The following AVEN variants were observed in gnomAD, a reference collection of about 807,000 sequenced individuals.
AVEN encodes the protein apoptosis and caspase activation inhibitor.
Under a neutral mutation model 38.1 loss-of-function variants are expected in AVEN, and 41 were observed. The ratio of observed to expected loss-of-function variants is 1.08; its 90% confidence interval spans 0.84 to 1.40. The LOEUF (loss-of-function observed/expected upper bound fraction) is 1.40, where lower values mean the gene tolerates loss of function less well. Ranked by LOEUF, AVEN falls within the 40% of genes most tolerant of loss-of-function variation. The probability of loss-of-function intolerance (pLI) is 0.00; values close to 1 mark genes in which losing one functional copy is unlikely to be tolerated. For synonymous variants in AVEN, 206 were observed against 171.8 expected (o/e 1.20, Z -1.56); for missense variants, 605 against 438.8 (o/e 1.38, Z -3.38).
chr15:33,995,720 T>C lies in AVEN; in HGVS notation c.445+7312A>G, dbSNP rs570441304. ...GTCATAAGCCATTAGTGGGACATTA[T>C]ATCATTTGGGTTTTTAAAATGCTGC... On this transcript the variant is annotated intron_variant, in intron 2 of 5. Coordinates refer to ENST00000306730, the MANE Select transcript of AVEN (RefSeq NM_020371.3). Among the ~76,000 whole-genome samples, 255 of 152,354 alleles carry C rather than the reference T, an allele frequency of 1.7e-3. 3 individuals are homozygous for C. Among genetic ancestry groups the C allele is most frequent in the African/African-American group, 5.8e-3 (241 of 41,582 alleles).
At chr15:33,868,753 C>T (rs766286273) in intron 4 of AVEN, among the ~76,000 whole-genome samples, 77 of 151,826 alleles carry the variant, frequency 5.1e-4, no homozygotes, top group Non-Finnish European at 1.1e-3. Context: ...GTTAGGTGAG[C>T]GAGTGCCTTT....
At chr15:33,859,446 C>T (rs1646930690) in intron 11 of AVEN, 1 of 909,982 alleles carries the variant, frequency 1.1e-6, no homozygotes, top group Non-Finnish European at 1.7e-6. Flanking sequence ...AATACTGGCA[C>T]CTCTGAAGAG....
At position 34,063,442 on chromosome 15, in the gene AVEN, G is replaced by A. The variant is rs769593960; in HGVS notation, n.1127-10C>T. The A allele has an allele frequency of 3.1e-6, 5 of 1,613,886 alleles. No individual in the cohort carries two copies. The South Asian group carries it at 5.5e-5, about 18-fold the overall frequency. Reference sequence around the variant, plus strand: ...GACTCTGTGACCAAAGCTGAGAAGAGAAAGCCAGCTCATAGGGCTCTGTTC... The same window carrying A: ...GACTCTGTGACCAAAGCTGAGAAGAAAAAGCCAGCTCATAGGGCTCTGTTC... On this transcript the variant is annotated splice_polypyrimidine_tract_variant and intron_variant and non_coding_transcript_variant, in intron 4 of 11. Coordinates refer to the AVEN transcript ENST00000675287. This position sits in a 1 kb window ranked among gnomAD's most constrained non-coding sequence, Gnocchi z 4.1.
At chr15:33,865,414 T>C, downstream of AVEN, 1 of 545,332 alleles carries the variant, frequency 1.8e-6, no homozygotes, top group East Asian at 2.9e-5. Flanking sequence ...ACATACACTG[T>C]GGGAGAGAAC....
In AVEN at chr15:34,019,761, C is replaced by T. The variant is rs76704382; in HGVS notation, c.268-16552G>A. 3.1e-3 allele frequency among the ~76,000 whole-genome samples: 465 copies of T among 152,226 alleles called. 1 individual carries two copies. The highest frequency in any genetic ancestry group is 0.011 in the African/African-American group (444 of 41,524). On this transcript the variant is annotated intron_variant, in intron 1 of 5. Coordinates refer to ENST00000306730, the MANE Select transcript of AVEN (RefSeq NM_020371.3). ...CCAGGAGCAATATGTTATACCATAC[C>T]GCCTGGGTGTACAGTAGGCTACACC...
intron 1 of AVEN, among the ~76,000 whole-genome samples, chr15:34,004,140 GA>G (rs565390561): frequency 5.2e-4 from 79 of 152,274 alleles, no homozygotes; most frequent in African/African-American, 1.7e-3. Context: ...AATGCTCCTA[GA>G]AAAAAGCTAG....
At chr15:34,037,249 A>G (rs1036630659) in intron 1 of AVEN, among the ~76,000 whole-genome samples, 1 of 152,162 alleles carries the variant, frequency 6.6e-6, no homozygotes, top group African/African-American at 2.4e-5. Context: ...ACCATAGTTA[A>G]CACCAAATGT....
At chr15:33,916,818 A>G (rs1054501407) in intron 2 of AVEN, among the ~76,000 whole-genome samples, 2 of 150,840 alleles carry the variant, frequency 1.3e-5, no homozygotes, top group African/African-American at 4.9e-5. Flanking sequence ...GTAATTTAGA[A>G]AAAAAAAAAG....
intron 2 of AVEN, among the ~76,000 whole-genome samples, chr15:33,947,053 A>G (rs1894534301): frequency 6.6e-6 from 1 of 152,200 alleles, no homozygotes; most frequent in Non-Finnish European, 1.5e-5. Flanking sequence ...CCATGGAATT[A>G]GAGGAACTCT....
chr15:33,895,198 G>C (rs1372807654), intron 2 of AVEN, among the ~76,000 whole-genome samples: 2 of 151,744 alleles, frequency 1.3e-5, no homozygotes, highest in Non-Finnish European at 2.9e-5. Flanking sequence ...AATCAGATTT[G>C]GGCTGATTTT....
intron 1 of AVEN, among the ~76,000 whole-genome samples, chr15:34,011,511 G>T (rs1161982515): frequency 6.6e-6 from 1 of 152,154 alleles, no homozygotes; most frequent in African/African-American, 2.4e-5. Flanking sequence ...TGGCCATTAA[G>T]AATGGGAATA....
chr15:34,027,905 T>C (rs1007101848), intron 1 of AVEN, among the ~76,000 whole-genome samples: 5 of 151,866 alleles, frequency 3.3e-5, no homozygotes, highest in Admixed American at 6.5e-5. Context: ...TTGTAGAACG[T>C]TGACATTACT....
At chr15:33,914,087 A>G (rs1357023857) in intron 2 of AVEN, among the ~76,000 whole-genome samples, 5 of 152,218 alleles carry the variant, frequency 3.3e-5, no homozygotes, top group African/African-American at 9.6e-5. Context: ...AATTATACCC[A>G]TAGAAGGTGC....
intron 2 of AVEN, among the ~76,000 whole-genome samples, chr15:33,925,679 A>G (rs530905318): frequency 6.6e-6 from 1 of 152,216 alleles, no homozygotes; most frequent in East Asian, 1.9e-4. Flanking sequence ...GGTGCATTAT[A>G]AAGAATTTTA....
At chr15:33,988,083 T>C (rs575379582) in intron 2 of AVEN, among the ~76,000 whole-genome samples, 6 of 152,330 alleles carry the variant, frequency 3.9e-5, no homozygotes, top group African/African-American at 1.2e-4. Context: ...CTCCCAAGCC[T>C]TGGGGCTTCT....
chr15:34,024,336 T>C (rs1416477131), intron 1 of AVEN, among the ~76,000 whole-genome samples: 1 of 152,020 alleles, frequency 6.6e-6, no homozygotes, highest in Non-Finnish European at 1.5e-5. Context: ...TGAAGAGTGA[T>C]GGGCGGCAAT....
downstream of AVEN, chr15:33,857,951 T>C: frequency 6.7e-7 from 1 of 1,503,632 alleles, no homozygotes; most frequent in Non-Finnish European, 9.0e-7. Context: ...GCCCACCCAC[T>C]GCGGGGCCAC....
At chr15:33,961,640 C>A (rs370357841) in intron 2 of AVEN, among the ~76,000 whole-genome samples, 5 of 151,154 alleles carry the variant, frequency 3.3e-5, no homozygotes, top group Non-Finnish European at 7.4e-5. Flanking sequence ...GGTGAAACCC[C>A]GTCTCTACTA....
chr15:33,923,137 AAG>A (rs35962409), intron 2 of AVEN, among the ~76,000 whole-genome samples: 7 of 150,914 alleles, frequency 4.6e-5, no homozygotes, highest in Non-Finnish European at 8.9e-5. Flanking sequence ...AGGATAAGCT[AAG>A]AGAGAGAGAG....
Sources: gnomAD v4.1 joint callset for allele counts (sites outside exome capture counted in the v4.1 genomes callset) on GRCh38, gnomAD v4.1.1 for gene constraint, Gnocchi (gnomAD v3.1) non-coding constraint, MANE v1.5 for transcripts, NCBI Gene and HGNC (gene_info 2026-07-23, HGNC 2026-07-21) for gene names.